Variants in DNER observed in about 807,000 individuals in gnomAD.
DNER encodes delta and Notch-like epidermal growth factor-related receptor.
In DNER, 33 loss-of-function variants were observed where a neutral mutation model predicts 78.2. The ratio of observed to expected loss-of-function variants is 0.42; its 90% CI spans 0.32 to 0.56. The LOEUF (loss-of-function observed/expected upper bound fraction) is 0.56. DNER is among the 20% of genes least tolerant of loss of function. The pLI, the probability that DNER is intolerant of heterozygous loss-of-function variation, is 0.11. For synonymous variants in DNER, 417 were observed against 384.8 expected, an observed-to-expected ratio of 1.08 and a Z score of -0.98; for missense variants, 918 against 975.3, an observed-to-expected ratio of 0.94 and a Z score of 0.78.
At chr2:229,422,148 C>G (rs1162456840) in intron 8 of DNER, among the ~76,000 whole-genome samples, 1 of 152,000 alleles carries the variant, frequency 6.6e-6, no homozygotes, top group Non-Finnish European at 1.5e-5. Context: ...GTCAAGGCAC[C>G]CTTTATACTC....
At chr2:229,568,196 C>G (rs945308015) in intron 4 of DNER, among the ~76,000 whole-genome samples, 28 of 152,124 alleles carry the variant, frequency 1.8e-4, no homozygotes, top group African/African-American at 6.5e-4. Flanking sequence ...AGGCCCCCTG[C>G]TTTCATTTTA....
At chr2:229,640,382 T>G (rs192635211) in intron 1 of DNER, among the ~76,000 whole-genome samples, 4 of 152,150 alleles carry the variant, frequency 2.6e-5, no homozygotes, top group Admixed American at 2.0e-4. Context: ...GATATCTGAA[T>G]AGTGAGCAAA....
At chr2:229,440,216 C>T (rs1694202509) in intron 8 of DNER, among the ~76,000 whole-genome samples, 1 of 152,166 alleles carries the variant, frequency 6.6e-6, no homozygotes, top group Non-Finnish European at 1.5e-5. Context: ...CTAAAGAAGG[C>T]AAATATCACG....
chr2:229,547,145 A>C, intron 4 of DNER, 53 bp from the exon 5 acceptor site: 3 of 1,602,778 alleles, frequency 1.9e-6, no homozygotes, highest in Non-Finnish European at 8.5e-7. Flanking sequence ...CTTTAAAGGC[A>C]GTGTGTTGAA....
chr2:229,506,581 A>T (rs137989339), intron 6 of DNER, among the ~76,000 whole-genome samples: 23,823 of 149,568 alleles, frequency 0.16, 2,311 homozygotes, highest in East Asian at 0.23. Context: ...CAGGTTAGTT[A>T]CATATGTGTA....
intron 11 of DNER, among the ~76,000 whole-genome samples, chr2:229,385,278 T>TTCATGCTAAAAACTC (rs1256285577): frequency 6.6e-6 from 1 of 152,130 alleles, no homozygotes; most frequent in Non-Finnish European, 1.5e-5. Flanking sequence ...TTAACACACC[T>TTCATGCTAAAAACTC]TCATGCTAAA....
At chr2:229,501,991 T>A (rs6754970) in intron 6 of DNER, among the ~76,000 whole-genome samples, 18,923 of 152,130 alleles carry the variant, frequency 0.12, 1,317 homozygotes, top group South Asian at 0.2. Flanking sequence ...GAAGGTAAAA[T>A]CTGATCTGCT....
chr2:229,567,164 C>A (rs940095832), intron 4 of DNER, among the ~76,000 whole-genome samples: 1 of 152,214 alleles, frequency 6.6e-6, no homozygotes, highest in African/African-American at 2.4e-5. Flanking sequence ...CCTAATAGTC[C>A]TTCTCCAAGG....
chr2:229,485,191 G>A (rs1391223098), intron 6 of DNER, among the ~76,000 whole-genome samples: 1 of 152,194 alleles, frequency 6.6e-6, no homozygotes, highest in East Asian at 1.9e-4. Context: ...TGGTAAGGAT[G>A]CCCTTTGAGG....
chr2:229,365,730 C>G (rs1192331777), intron 12 of DNER, among the ~76,000 whole-genome samples: 1 of 152,216 alleles, frequency 6.6e-6, no homozygotes, highest in Admixed American at 6.5e-5. Flanking sequence ...GGCAGCACAC[C>G]CAGCCAGGTC....
At chr2:229,480,053 T>A (rs933776776) in intron 6 of DNER, among the ~76,000 whole-genome samples, 26 of 152,242 alleles carry the variant, frequency 1.7e-4, no homozygotes, top group African/African-American at 6.0e-4. Flanking sequence ...GAGATGTACA[T>A]CCCCACCAGA....
chr2:229,618,651 G>A (rs939334895), intron 1 of DNER, among the ~76,000 whole-genome samples: 2 of 152,156 alleles, frequency 1.3e-5, no homozygotes, highest in Non-Finnish European at 2.9e-5. Flanking sequence ...CGTCCAAATT[G>A]TTATGTTGCA....
chr2:229,525,384 T>C (rs1464514263), intron 5 of DNER, among the ~76,000 whole-genome samples: 2 of 152,222 alleles, frequency 1.3e-5, no homozygotes, highest in African/African-American at 4.8e-5. Context: ...AAGGAATCAC[T>C]GTAGTCTTCC....
In DNER at chr2:229,602,728, C is replaced by T. The variant is rs555384658; in HGVS notation, c.277-10840G>A. Among the ~76,000 whole-genome samples the T allele has an allele frequency of 2.6e-5, 4 of 152,178 alleles. 1 individual carries two copies. Among genetic ancestry groups the T allele is most frequent in the Admixed American group, 1.3e-4 (2 of 15,274 alleles). ...ATAATAGATGAAAAAAATTAAATTC[C>T]TAGTAATAAATCAAATGTTAAAAAT... On this transcript the variant is annotated intron_variant, in intron 1 of 12. Transcript: ENST00000341772.
chr2:229,642,377 C>T (rs904630332), intron 1 of DNER, among the ~76,000 whole-genome samples: 3 of 152,142 alleles, frequency 2.0e-5, no homozygotes, highest in Non-Finnish European at 4.4e-5. Flanking sequence ...CAAAGTTTTG[C>T]AAAGAGGCAT....
At chr2:229,692,917 A>T (rs1699603811) in intron 1 of DNER, among the ~76,000 whole-genome samples, 2 of 152,024 alleles carry the variant, frequency 1.3e-5, no homozygotes, top group Non-Finnish European at 2.9e-5. Flanking sequence ...TAATATAAAA[A>T]ATCTAAGAAA....
At chr2:229,413,778 C>CTA (rs1265020409) in intron 9 of DNER, among the ~76,000 whole-genome samples, 1 of 150,076 alleles carries the variant, frequency 6.7e-6, no homozygotes, top group East Asian at 1.9e-4. Context: ...AATATAAAAA[C>CTA]TATATATATA....
intron 6 of DNER, among the ~76,000 whole-genome samples, chr2:229,478,674 T>A (rs1695088419): frequency 6.6e-6 from 1 of 152,214 alleles, no homozygotes; most frequent in South Asian, 2.1e-4. Context: ...TAGCCAAAAC[T>A]TACAAAAATC....
intron 5 of DNER, among the ~76,000 whole-genome samples, chr2:229,524,753 T>A (rs113644218): frequency 1.3e-5 from 2 of 152,164 alleles, no homozygotes; most frequent in African/African-American, 2.4e-5. Context: ...CACCTGCACC[T>A]GGTCCAGGTA....
Sources: allele counts gnomAD v4.1 joint callset (sites outside exome capture counted in the v4.1 genomes callset), GRCh38; gene constraint gnomAD v4.1.1; transcripts MANE v1.5; gene names NCBI Gene and HGNC (gene_info 2026-07-23, HGNC 2026-07-21).